ROBO1: variants seen among roughly 807,000 people sequenced by gnomAD.
ROBO1 encodes roundabout homolog 1.
Under a neutral mutation model 195.9 loss-of-function variants are expected in ROBO1, and 149 were observed. The observed-to-expected ratio is 0.76, with a 90% CI of 0.67 to 0.87. The LOEUF is 0.87. Ranked by LOEUF, ROBO1 falls within the 40% of genes least tolerant of loss-of-function variation. ROBO1 has a pLI of 0.00. For missense variants in ROBO1, 1,933 were observed against 2,068.3 expected (o/e 0.93, Z 1.27); for synonymous variants, 816 against 733.2 (o/e 1.11, Z -1.82).
intron 22 of ROBO1, among the ~76,000 whole-genome samples, chr3:78,636,952 T>TAC (rs1705549950): frequency 8.6e-6 from 1 of 116,188 alleles, no homozygotes; most frequent in African/African-American, 3.4e-5. Flanking sequence ...TATATATATA[T>TAC]ATATATATAT....
chr3:78,962,586 G>C (rs1290712453), intron 3 of ROBO1, among the ~76,000 whole-genome samples: 2 of 151,994 alleles, frequency 1.3e-5, no homozygotes, highest in Non-Finnish European at 2.9e-5. Flanking sequence ...AGCACTTTGG[G>C]AGGCCGAGGA....
intron 1 of ROBO1, among the ~76,000 whole-genome samples, chr3:79,745,557 T>C (rs1703837317): frequency 6.6e-6 from 1 of 152,176 alleles, no homozygotes; most frequent in African/African-American, 2.4e-5. Flanking sequence ...GGTTGAAGCC[T>C]GCCTATGCTT....
At chr3:79,669,644 G>T (rs1026787999) in intron 1 of ROBO1, among the ~76,000 whole-genome samples, 1 of 151,902 alleles carries the variant, frequency 6.6e-6, no homozygotes, top group African/African-American at 2.4e-5. Flanking sequence ...ATGACAAAAA[G>T]CACTGAAGCT....
At chr3:79,470,852 T>G (rs1654272785) in intron 2 of ROBO1, among the ~76,000 whole-genome samples, 1 of 152,204 alleles carries the variant, frequency 6.6e-6, no homozygotes, top group Admixed American at 6.6e-5. Context: ...CTTTATAAAT[T>G]ACCCAGTCTT....
At chr3:79,190,310 T>C (rs1173999362) in intron 2 of ROBO1, among the ~76,000 whole-genome samples, 2 of 151,588 alleles carry the variant, frequency 1.3e-5, no homozygotes, top group Non-Finnish European at 3.0e-5. Flanking sequence ...TATAAATCCA[T>C]GTGTGTTTGG....
intron 3 of ROBO1, among the ~76,000 whole-genome samples, chr3:79,111,978 A>G (rs937775750): frequency 7.2e-5 from 11 of 152,204 alleles, no homozygotes; most frequent in African/African-American, 2.7e-4. Context: ...AGTGTAACAT[A>G]GTGCAAAAAA....
At chr3:79,311,869 T>C (rs867100816) in intron 2 of ROBO1, among the ~76,000 whole-genome samples, 42 of 152,296 alleles carry the variant, frequency 2.8e-4, no homozygotes, top group African/African-American at 9.6e-4. Context: ...TCTCAAGAGA[T>C]ACTCTCTCTT....
intron 3 of ROBO1, among the ~76,000 whole-genome samples, chr3:78,990,240 AC>A (rs2077205250): frequency 6.6e-6 from 1 of 152,178 alleles, no homozygotes; most frequent in African/African-American, 2.4e-5. Flanking sequence ...TTTTGGTCAT[AC>A]TGAATGTGTA....
intron 4 of ROBO1, among the ~76,000 whole-genome samples, chr3:78,856,030 T>C (rs895762875): frequency 1.3e-5 from 2 of 151,916 alleles, no homozygotes; most frequent in Admixed American, 1.3e-4. Context: ...TATTCAGAAA[T>C]GACACACTAC....
rs147923484 is a variant in ROBO1, at chr3:78,722,776, A to C, written c.658-4893T>G. On this transcript the variant is annotated intron_variant, in intron 5 of 30. Transcript: ENST00000464233. The stretch of plus-strand genomic sequence containing the variant: ...TGAGCACGGGCTCTGGAGTCAGACT[A>C]CTTTTTATTATATATGTGTAACTTT... 2.7e-3 allele frequency among the ~76,000 whole-genome samples: 417 copies of C among 152,242 alleles called. 6 individuals are homozygous for C. Among genetic ancestry groups the C allele is most frequent in the African/African-American group, 9.1e-3 (378 of 41,564 alleles).
At chr3:79,606,716 G>A (rs564989182) in intron 1 of ROBO1, among the ~76,000 whole-genome samples, 1 of 151,806 alleles carries the variant, frequency 6.6e-6, no homozygotes, top group African/African-American at 2.4e-5. Context: ...TATCATATTT[G>A]CCAGATTTCT....
At chr3:79,189,161 G>C (rs1012191731) in intron 2 of ROBO1, among the ~76,000 whole-genome samples, 2 of 151,630 alleles carry the variant, frequency 1.3e-5, no homozygotes, top group African/African-American at 4.8e-5. Flanking sequence ...TTACTGATTA[G>C]ATATATGAAA....
intron 2 of ROBO1, among the ~76,000 whole-genome samples, chr3:79,217,748 T>G (rs1344962919): frequency 6.6e-6 from 1 of 151,964 alleles, no homozygotes; most frequent in Non-Finnish European, 1.5e-5. Flanking sequence ...TTTTATTTCT[T>G]CTGAGAAATT....
chr3:79,119,689 A>G (rs1317609762), intron 3 of ROBO1, among the ~76,000 whole-genome samples: 1 of 152,170 alleles, frequency 6.6e-6, no homozygotes, highest in African/African-American at 2.4e-5. Context: ...CCTGTTATGC[A>G]TAAATTAGTA....
chr3:79,302,820 G>A (rs73122573), intron 2 of ROBO1, among the ~76,000 whole-genome samples: 12,274 of 151,814 alleles, frequency 0.081, 694 homozygotes, highest in Non-Finnish European at 0.12. Flanking sequence ...AAAAAAGACA[G>A]AGAAACTTGG....
At chr3:78,654,605 C>G (rs1046016480) in intron 18 of ROBO1, among the ~76,000 whole-genome samples, 1 of 152,056 alleles carries the variant, frequency 6.6e-6, no homozygotes, top group African/African-American at 2.4e-5. Context: ...ATGCAAGCAA[C>G]CAGATGGACT....
At chr3:78,741,305 T>C (rs758089346) in intron 5 of ROBO1, among the ~76,000 whole-genome samples, 2 of 152,190 alleles carry the variant, frequency 1.3e-5, no homozygotes, top group Non-Finnish European at 2.9e-5. Flanking sequence ...CTTGGTGCAA[T>C]TGTCTGTGAC....
intron 4 of ROBO1, among the ~76,000 whole-genome samples, chr3:78,891,348 C>T (rs2036879794): frequency 7.3e-6 from 1 of 136,226 alleles, no homozygotes; most frequent in South Asian, 2.3e-4. Flanking sequence ...CCAATACGCA[C>T]ATTTAAAAAA....
intron 1 of ROBO1, among the ~76,000 whole-genome samples, chr3:79,693,140 C>T (rs555009264): frequency 1.4e-4 from 21 of 151,502 alleles, no homozygotes; most frequent in Admixed American, 1.3e-3. Flanking sequence ...ATTTGAAAGG[C>T]CCTAACCAAA....
Sources: allele counts gnomAD v4.1 joint callset (sites outside exome capture counted in the v4.1 genomes callset), GRCh38; gene constraint gnomAD v4.1.1; transcripts MANE v1.5; gene names NCBI Gene and HGNC (gene_info 2026-07-23, HGNC 2026-07-21).